NAV3: variants seen among roughly 807,000 people sequenced by gnomAD.
NAV3 encodes neuron navigator 3, also known as pore membrane and/or filament interacting like protein 1.
Under a neutral mutation model 244.7 loss-of-function variants are expected in NAV3, and 87 were observed. The observed-to-expected ratio is 0.36, with a 90% CI of 0.30 to 0.42. The LOEUF is 0.42. NAV3 is among the 20% of genes least tolerant of loss of function. The pLI, the probability that NAV3 is intolerant of heterozygous loss-of-function variation, is 1.00. For synonymous variants in NAV3, 1,126 were observed against 1,042.2 expected, an observed-to-expected ratio of 1.08 and a Z score of -1.55; for missense variants, 2,663 against 2,893.3, an observed-to-expected ratio of 0.92 and a Z score of 1.83.
At chr12:77,835,308 T>C (rs1874440213) in intron 1 of NAV3, among the ~76,000 whole-genome samples, 1 of 152,250 alleles carries the variant, frequency 6.6e-6, no homozygotes, top group Non-Finnish European at 1.5e-5. Context: ...CTAAGAATTA[T>C]GGGTTCAATT....
At chr12:77,944,771 G>A (rs758454983) in intron 3 of NAV3, among the ~76,000 whole-genome samples, 1 of 152,056 alleles carries the variant, frequency 6.6e-6, no homozygotes, top group Non-Finnish European at 1.5e-5. Flanking sequence ...GTCAGGAAAG[G>A]GAAAGAGTGT....
intron 2 of NAV3, among the ~76,000 whole-genome samples, chr12:77,660,116 A>T (rs1000270023): frequency 2.7e-5 from 4 of 148,826 alleles, no homozygotes; most frequent in African/African-American, 9.9e-5. Flanking sequence ...TCATAATAAT[A>T]AAAAAAAAAG....
At chr12:77,962,530 C>T (rs558629871) in intron 3 of NAV3, among the ~76,000 whole-genome samples, 8 of 152,276 alleles carry the variant, frequency 5.3e-5, no homozygotes, top group East Asian at 3.9e-4. Flanking sequence ...ATCAATTTCT[C>T]TCAGAAAACA....
At chr12:78,001,036 A>G (rs934341544) in intron 7 of NAV3, among the ~76,000 whole-genome samples, 26 of 151,770 alleles carry the variant, frequency 1.7e-4, no homozygotes, top group Admixed American at 1.7e-3. Flanking sequence ...TTTAATAAAG[A>G]TGTTTGTTTT....
At chr12:78,180,344 T>C (rs886827202) in intron 29 of NAV3, among the ~76,000 whole-genome samples, 3 of 152,090 alleles carry the variant, frequency 2.0e-5, no homozygotes, top group Non-Finnish European at 4.4e-5. Context: ...TAAAGACTTT[T>C]GTTGTTTTTT....
chr12:77,629,687 A>G (rs1871798795), intron 2 of NAV3, among the ~76,000 whole-genome samples: 1 of 152,150 alleles, frequency 6.6e-6, no homozygotes, highest in African/African-American at 2.4e-5. Flanking sequence ...GTAATATCCT[A>G]TATTACTCTC....
In NAV3 at chr12:77,796,006, C is replaced by T. The variant is rs144978875; in HGVS notation, c.73-144313C>T. On this transcript the variant is annotated intron_variant, in intron 2 of 8. Transcript: ENST00000550042. ...TGTGCAAGAAAATTTGTGCTGTTTC[C>T]GTGCATGGTAACACAGAATCCTGTC... 5.5e-3 allele frequency among the ~76,000 whole-genome samples: 831 copies of T among 152,206 alleles called. 6 individuals carry two copies. The highest frequency in any genetic ancestry group is 7.7e-3 in the Non-Finnish European group (523 of 68,012).
At chr12:77,800,179 G>A (rs1204846832) in intron 2 of NAV3, among the ~76,000 whole-genome samples, 1 of 152,110 alleles carries the variant, frequency 6.6e-6, no homozygotes. Flanking sequence ...CCACTTTTAA[G>A]ATTCCATTTG....
intron 2 of NAV3, among the ~76,000 whole-genome samples, chr12:77,597,911 A>G (rs899022878): frequency 6.6e-6 from 1 of 152,044 alleles, no homozygotes; most frequent in African/African-American, 2.4e-5. Flanking sequence ...GCCTCCCTAT[A>G]TCTCTGACCA....
intron 8 of NAV3, among the ~76,000 whole-genome samples, chr12:78,011,242 T>A (rs1312040639): frequency 3.3e-5 from 5 of 152,152 alleles, no homozygotes; most frequent in Non-Finnish European, 7.4e-5. Flanking sequence ...TTATTACAGT[T>A]TAAGCAAAGG....
chr12:78,024,931 C>T (rs761047243), intron 9 of NAV3, among the ~76,000 whole-genome samples: 3 of 151,562 alleles, frequency 2.0e-5, no homozygotes, highest in Admixed American at 1.3e-4. Context: ...GCCGAGATAG[C>T]GCCACTGCAC....
At chr12:77,888,662 T>C (rs1883580473) in intron 1 of NAV3, among the ~76,000 whole-genome samples, 1 of 152,162 alleles carries the variant, frequency 6.6e-6, no homozygotes, top group Non-Finnish European at 1.5e-5. Context: ...AGTCAATTCC[T>C]GGTTGAATTA....
At chr12:77,764,005 G>T (rs1869621080) in intron 2 of NAV3, among the ~76,000 whole-genome samples, 1 of 152,206 alleles carries the variant, frequency 6.6e-6, no homozygotes, top group South Asian at 2.1e-4. Context: ...TTTCCTGGTT[G>T]TGAAGGGGAC....
intron 2 of NAV3, among the ~76,000 whole-genome samples, chr12:77,753,500 G>A (rs759069383): frequency 3.3e-5 from 5 of 152,144 alleles, no homozygotes; most frequent in Non-Finnish European, 7.3e-5. Context: ...CAGCACATGT[G>A]TGTTCTATCT....
At chr12:77,946,260 C>CGT (rs1377573367) in intron 3 of NAV3, among the ~76,000 whole-genome samples, 1 of 88,884 alleles carries the variant, frequency 1.1e-5, no homozygotes, top group Non-Finnish European at 2.9e-5. Context: ...TGTGTGTGTG[C>CGT]GCGTGCACCT....
In NAV3 at chr12:77,855,566, C is replaced by T. The variant is rs549503340; in HGVS notation, c.243+23862C>T. Among the ~76,000 whole-genome samples, 3 of 152,320 alleles carry T rather than the reference C, an allele frequency of 2.0e-5. No individual in the cohort carries two copies. In the South Asian group the frequency reaches 6.2e-4, roughly 32 times the overall value. On this transcript the variant is annotated intron_variant, in intron 1 of 39. Transcript: ENST00000397909. ...AAGGTGGGGTACAGAAGTGTATTCA[C>T]ATCCATCTTGAATCTGGACTGGCCT...
chr12:78,128,642 C>T (rs1956029152), intron 17 of NAV3, 64 bp from the exon 18 acceptor site: 12 of 1,506,090 alleles, frequency 8.0e-6, no homozygotes, highest in African/African-American at 1.4e-5. Context: ...GAATTGTTTT[C>T]CTGTCCTGGC....
At chr12:77,751,550 C>T (rs1868855012) in intron 2 of NAV3, among the ~76,000 whole-genome samples, 1 of 152,152 alleles carries the variant, frequency 6.6e-6, no homozygotes, top group African/African-American at 2.4e-5. Flanking sequence ...ACTTTCCTTC[C>T]TTCCACCATG....
chr12:77,873,305 G>A (rs917388671), intron 1 of NAV3, among the ~76,000 whole-genome samples: 1 of 151,952 alleles, frequency 6.6e-6, no homozygotes, highest in South Asian at 2.1e-4. Context: ...TAGTATATTA[G>A]TATATGTATG....
Sources: gnomAD v4.1 joint callset for allele counts (sites outside exome capture counted in the v4.1 genomes callset) on GRCh38, gnomAD v4.1.1 for gene constraint, MANE v1.5 for transcripts, NCBI Gene and HGNC (gene_info 2026-07-23, HGNC 2026-07-21) for gene names.